The following AQP7B variants were observed in gnomAD, a reference collection of about 807,000 sequenced individuals.
AQP7B encodes the protein putative aquaporin-7B.
the AQP7B span, among the ~76,000 whole-genome samples, chr2:94,601,451 C>T: frequency 2.6e-5 from 4 of 152,260 alleles, no homozygotes; most frequent in African/African-American, 7.2e-5. Flanking sequence ...GGAATTTTAG[C>T]GCATCAGGCA....
At chr2:94,598,419 T>C in the AQP7B span, among the ~76,000 whole-genome samples, 1 of 152,138 alleles carries the variant, frequency 6.6e-6, no homozygotes, top group East Asian at 1.9e-4. Context: ...CATTCACTGA[T>C]CAGGGAGAGG....
At chr2:94,592,812 CTTTTTTTTTTT>C in the AQP7B span, among the ~76,000 whole-genome samples, 12 of 51,756 alleles carry the variant, frequency 2.3e-4, no homozygotes, top group South Asian at 1.2e-3. Flanking sequence ...ATTAATTAAG[CTTTTTTTTTTT>C]TTTTTTTTTT....
the AQP7B span, among the ~76,000 whole-genome samples, chr2:94,589,388 C>A: frequency 6.6e-6 from 1 of 152,162 alleles, no homozygotes; most frequent in African/African-American, 2.4e-5. Flanking sequence ...AGGCTTTCTG[C>A]AGTTAACATA....
chr2:94,591,331 G>A, the AQP7B span, among the ~76,000 whole-genome samples: 8 of 152,164 alleles, frequency 5.3e-5, no homozygotes, highest in Non-Finnish European at 1.2e-4. Flanking sequence ...TAGTCATTCC[G>A]CTGCCCTAGC....
At chr2:94,599,617 C>G in the AQP7B span, among the ~76,000 whole-genome samples, 1 of 152,042 alleles carries the variant, frequency 6.6e-6, no homozygotes, top group Non-Finnish European at 1.5e-5. Flanking sequence ...CCTGGAGGAC[C>G]CCTCCACTTC....
the AQP7B span, chr2:94,604,211 C>G: frequency 7.1e-7 from 1 of 1,413,030 alleles, no homozygotes; most frequent in Non-Finnish European, 9.6e-7. Context: ...TCTGCTCAAC[C>G]AGTCTTCGCC....
the AQP7B span, among the ~76,000 whole-genome samples, chr2:94,602,018 AGTGTGT>A: frequency 4.3e-3 from 599 of 139,926 alleles, 4 homozygotes; most frequent in African/African-American, 0.013. Flanking sequence ...ATTGCGGCGG[AGTGTGT>A]GTGTGTGTGT....
chr2:94,592,490 TGCA>T, the AQP7B span, among the ~76,000 whole-genome samples: 1 of 152,100 alleles, frequency 6.6e-6, no homozygotes, highest in African/African-American at 2.4e-5. Flanking sequence ...CCAGCTCCCA[TGCA>T]GCATCGTATA....
chr2:94,601,605 G>T, the AQP7B span, among the ~76,000 whole-genome samples: 2 of 152,164 alleles, frequency 1.3e-5, no homozygotes, highest in African/African-American at 2.4e-5. Context: ...GAGGGAAGGG[G>T]TGAAGCAGCT....
chr2:94,603,035 A>T, the AQP7B span: 548 of 1,595,974 alleles, frequency 3.4e-4, 4 homozygotes, highest in African/African-American at 6.3e-3. Context: ...TGCTGCCCGC[A>T]GGAGCCCACA....
the AQP7B span, among the ~76,000 whole-genome samples, chr2:94,599,764 T>C: frequency 6.6e-6 from 1 of 151,950 alleles, no homozygotes; most frequent in African/African-American, 2.4e-5. Context: ...AAATGAAACA[T>C]CCCTCCCTTC....
At chr2:94,596,210 G>C in the AQP7B span, among the ~76,000 whole-genome samples, 2 of 152,222 alleles carry the variant, frequency 1.3e-5, no homozygotes, top group African/African-American at 2.4e-5. Context: ...CCTTGACAAG[G>C]GTTCTTCTTT....
At chr2:94,595,058 T>C in the AQP7B span, among the ~76,000 whole-genome samples, 1 of 152,050 alleles carries the variant, frequency 6.6e-6, no homozygotes, top group Non-Finnish European at 1.5e-5. Context: ...AAAGGGCTCA[T>C]AATATGTGGG....
chr2:94,599,523 C>A, the AQP7B span, among the ~76,000 whole-genome samples: 21 of 152,200 alleles, frequency 1.4e-4, no homozygotes, highest in African/African-American at 3.9e-4. Context: ...GTTCAGCTCA[C>A]CCTCTTGTCC....
the AQP7B span, chr2:94,602,448 G>A: frequency 4.4e-6 from 7 of 1,575,580 alleles, no homozygotes; most frequent in African/African-American, 5.4e-5. Flanking sequence ...CTCTGAGGTT[G>A]GGGCTTCTGG....
the AQP7B span, among the ~76,000 whole-genome samples, chr2:94,588,766 C>A: frequency 2.1e-4 from 31 of 150,508 alleles, no homozygotes; most frequent in South Asian, 5.8e-3. Flanking sequence ...CTCAGAAATA[C>A]TTGGATGAGG....
At chr2:94,601,787 T>C in the AQP7B span, among the ~76,000 whole-genome samples, 10 of 151,966 alleles carry the variant, frequency 6.6e-5, no homozygotes, top group African/African-American at 2.4e-4. Flanking sequence ...GACGGAGGCC[T>C]CTGCAGAGGG....
chr2:94,592,046 T>C, the AQP7B span, among the ~76,000 whole-genome samples: 3 of 152,136 alleles, frequency 2.0e-5, no homozygotes, highest in African/African-American at 7.2e-5. Context: ...GGCTGGTTGG[T>C]GGTTATCTGT....
At chr2:94,595,866 G>T in the AQP7B span, among the ~76,000 whole-genome samples, 1 of 152,144 alleles carries the variant, frequency 6.6e-6, no homozygotes, top group African/African-American at 2.4e-5. Context: ...ACAGGCAAGG[G>T]GCTGGAGCTC....
Sources: allele counts gnomAD v4.1 joint callset (sites outside exome capture counted in the v4.1 genomes callset), GRCh38; gene constraint gnomAD v4.1.1; transcripts MANE v1.5; gene names NCBI Gene and HGNC (gene_info 2026-07-23, HGNC 2026-07-21).